The following LMLN variants were observed in gnomAD, a reference collection of about 807,000 sequenced individuals.
LMLN encodes the protein leishmanolysin-like peptidase.
A neutral mutation model predicts 92.3 loss-of-function variants in LMLN; 70 were observed. The ratio of observed to expected loss-of-function variants is 0.76; its 90% confidence interval spans 0.63 to 0.92. The LOEUF is 0.92. Ranked by LOEUF, LMLN falls within the 40% of genes least tolerant of loss-of-function variation. The probability of loss-of-function intolerance (pLI) is 0.00; values close to 1 mark genes in which losing one functional copy is unlikely to be tolerated. For synonymous variants in LMLN, 308 were observed against 296.2 expected, an observed-to-expected ratio of 1.04 and a Z score of -0.41; for missense variants, 691 against 814.6, an observed-to-expected ratio of 0.85 and a Z score of 1.85.
In LMLN at chr3:198,025,660, A is replaced by G. The variant is rs527566699; in HGVS notation, c.1656+872A>G. Among the ~76,000 whole-genome samples the G allele has an allele frequency of 1.0e-3, 155 of 152,270 alleles. No individual in the cohort carries two copies. In the South Asian group the frequency reaches 0.012, roughly 11 times the overall value. On this transcript the variant is annotated intron_variant, in intron 14 of 15. Coordinates refer to ENST00000330198, the Ensembl canonical transcript of LMLN. This position sits in a 1 kb window ranked among gnomAD's most constrained non-coding sequence, Gnocchi z 4.3. The stretch of plus-strand genomic sequence containing the variant: ...ACTGGGATTATAGATGGCGGCCACC[A>G]TGCCTCGCCTACTATTTCCTTAATT...
chr3:198,029,793 G>A (rs999001921), intron 14 of LMLN, among the ~76,000 whole-genome samples: 2 of 152,020 alleles, frequency 1.3e-5, no homozygotes, highest in Non-Finnish European at 2.9e-5. Flanking sequence ...TTTTGTTGGG[G>A]GTGGAGGAGT....
At chr3:197,966,242 A>G (rs1721057430) in intron 1 of LMLN, among the ~76,000 whole-genome samples, 2 of 152,096 alleles carry the variant, frequency 1.3e-5, no homozygotes, top group African/African-American at 2.4e-5. Flanking sequence ...AAGTTTCGCC[A>G]TGTTAGCCAG....
chr3:197,973,189 A>G (rs1347158087), intron 1 of LMLN, among the ~76,000 whole-genome samples: 1 of 151,540 alleles, frequency 6.6e-6, no homozygotes. Flanking sequence ...GAGGTTAGTC[A>G]TGTAATGGAT....
Position 198,019,434 on chromosome 3 carries a change from G to A in LMLN, c.1365+49G>A, listed in dbSNP as rs1722723235. 1.3e-6 allele frequency: 2 copies of A among 1,539,506 alleles called. No homozygotes were observed. The highest frequency in any genetic ancestry group is 4.3e-5 in the Admixed American group (2 of 46,742). On this transcript the variant is annotated intron_variant, in intron 12 of 15. Coordinates refer to ENST00000330198, the Ensembl canonical transcript of LMLN. The surrounding 1 kb of genome is among the most constrained non-coding windows in gnomAD (Gnocchi z 5.5). ...TTCAGGAATCAGCTTTTCAAAAGTA[G>A]TCTCCATTTTAACTAAAAGAGTAAA...
intron 1 of LMLN, among the ~76,000 whole-genome samples, chr3:197,968,164 G>A (rs1346903440): frequency 3.3e-5 from 5 of 152,148 alleles, no homozygotes; most frequent in African/African-American, 9.7e-5. Flanking sequence ...AGTAAGACAG[G>A]CGTAAGAAGT....
At chr3:197,979,588 C>G (rs1287280825) in intron 5 of LMLN, among the ~76,000 whole-genome samples, 1 of 152,142 alleles carries the variant, frequency 6.6e-6, no homozygotes, top group African/African-American at 2.4e-5. Flanking sequence ...GAGGCCGAGA[C>G]AGGCCGATCA....
chr3:197,975,992 A>G lies in LMLN; in HGVS notation c.349-37A>G, dbSNP rs201376468. ...TTTAAATATAATTTATCTCTTCCTTATAATTCTGTTTCTTTTTTTTTTTAA... is the reference window on the plus strand; with the variant it reads ...TTTAAATATAATTTATCTCTTCCTTGTAATTCTGTTTCTTTTTTTTTTTAA... On this transcript the variant is annotated intron_variant, in intron 3 of 15. Coordinates refer to ENST00000330198, the Ensembl canonical transcript of LMLN. 5.4e-5 allele frequency: 67 copies of G among 1,230,138 alleles called. No homozygotes were observed. The Admixed American group carries it at 1.1e-3, about 21-fold the overall frequency. The allele number at this position is 1,230,138 out of a possible 1,614,324, so 76.2% of individuals were successfully genotyped here.
intron 14 of LMLN, among the ~76,000 whole-genome samples, chr3:198,035,071 A>T (rs1723174801): frequency 6.6e-6 from 1 of 151,970 alleles, no homozygotes; most frequent in Non-Finnish European, 1.5e-5. Context: ...GCATAGTGGC[A>T]CATGCCTGTA....
intron 14 of LMLN, among the ~76,000 whole-genome samples, chr3:198,034,718 C>T (rs1723165214): frequency 6.6e-6 from 1 of 152,188 alleles, no homozygotes; most frequent in African/African-American, 2.4e-5. Context: ...CATTAGCTAT[C>T]ACGTGCAAAT....
rs1200909739 is a variant in LMLN at position 198,023,244 on chromosome 3, C to T, written c.1526-1414C>T. Among the ~76,000 whole-genome samples the T allele has an allele frequency of 7.2e-5, 11 of 152,116 alleles. No individual in the cohort carries two copies. In the East Asian group the frequency reaches 1.9e-3, roughly 27 times the overall value. On this transcript the variant is annotated intron_variant, in intron 13 of 15. Coordinates refer to ENST00000330198, the Ensembl canonical transcript of LMLN. The stretch of plus-strand genomic sequence containing the variant: ...TCACTCTGTCACCCAAGTTGGAGTG[C>T]AGTGGCACCATCATAGCTCACTGTA...
At chr3:197,978,605 C>T (rs1721469709) in intron 5 of LMLN, among the ~76,000 whole-genome samples, 2 of 152,052 alleles carry the variant, frequency 1.3e-5, no homozygotes. Context: ...CCACTGTACT[C>T]CAACCTGGGT....
exon 16 of LMLN, chr3:198,038,605 T>C (rs369383533): frequency 9.3e-6 from 15 of 1,614,116 alleles, no homozygotes; most frequent in Non-Finnish European, 1.3e-5. Context: ...GGTCACCCTC[T>C]GGCTTCTGCT....
rs1391972827 is a variant in LMLN, at chr3:198,021,382, G to A, written c.1366-64G>A. 1.2e-5 allele frequency: 17 copies of A among 1,475,796 alleles called. 1 individual carries two copies. The highest frequency in any genetic ancestry group is 1.8e-4 in the Middle Eastern group (1 of 5,710). 91.4% of individuals were successfully genotyped at this position (1,475,796 alleles called of 1,614,324 possible). ...TAAAGGGTTGCGAGAAATTGCCTGT[G>A]CACTTCCTCAATTTTATACAGAATG... On this transcript the variant is annotated intron_variant, in intron 12 of 15. Coordinates refer to ENST00000330198, the Ensembl canonical transcript of LMLN.
At chr3:197,977,373 G>A (rs954143362) in intron 5 of LMLN, among the ~76,000 whole-genome samples, 29 of 151,914 alleles carry the variant, frequency 1.9e-4, no homozygotes, top group African/African-American at 5.6e-4. Context: ...AAGTACACAC[G>A]TTAAATCTGG....
intron 6 of LMLN, 150 bp from the exon 7 acceptor site, chr3:197,983,793 A>G (rs1293718914): frequency 1.1e-5 from 6 of 531,898 alleles, no homozygotes; most frequent in Non-Finnish European, 1.7e-5. Context: ...CAGAGGATAC[A>G]TGTCTTAAAA....
chr3:197,995,910 T>G (rs188324849), intron 9 of LMLN, among the ~76,000 whole-genome samples: 18 of 152,298 alleles, frequency 1.2e-4, no homozygotes, highest in East Asian at 3.9e-4. Context: ...CATCCTAGTC[T>G]ATAACATTTT....
chr3:197,987,147 AAT>A (rs1487236228), intron 8 of LMLN, among the ~76,000 whole-genome samples: 1 of 123,908 alleles, frequency 8.1e-6, no homozygotes, highest in Non-Finnish European at 1.7e-5. Flanking sequence ...GCCTATGTTT[AAT>A]ATGTTTGAAT....
chr3:197,987,468 A>G (rs894256455), intron 8 of LMLN, among the ~76,000 whole-genome samples: 22 of 152,180 alleles, frequency 1.4e-4, no homozygotes, highest in Admixed American at 1.4e-3. Context: ...CAAAATTTTT[A>G]CAAAACAGTA....
At chr3:198,008,581 G>C (rs1272492876) in intron 11 of LMLN, among the ~76,000 whole-genome samples, 1 of 152,172 alleles carries the variant, frequency 6.6e-6, no homozygotes, top group Non-Finnish European at 1.5e-5. Context: ...ACAAAAATGA[G>C]GTGGGCATGG....
Sources: gnomAD v4.1 joint callset for allele counts (sites outside exome capture counted in the v4.1 genomes callset) on GRCh38, gnomAD v4.1.1 for gene constraint, Gnocchi (gnomAD v3.1) non-coding constraint, MANE v1.5 for transcripts, NCBI Gene and HGNC (gene_info 2026-07-23, HGNC 2026-07-21) for gene names.